ASPH: variants seen among roughly 807,000 people sequenced by gnomAD.
ASPH encodes aspartyl/asparaginyl beta-hydroxylase.
Under a neutral mutation model 118.4 loss-of-function variants are expected in ASPH, and 100 were observed. The observed-to-expected ratio is 0.84, with a 90% CI of 0.72 to 1.00. ASPH has a LOEUF of 1.00. Among genes scored for constraint, ASPH ranks in the 50% least tolerant of loss-of-function variants. The probability of loss-of-function intolerance (pLI) is 0.00; values close to 1 mark genes in which losing one functional copy is unlikely to be tolerated. For synonymous variants in ASPH, 315 were observed against 325.6 expected, an observed-to-expected ratio of 0.97 and a Z score of 0.35; for missense variants, 920 against 919.5, an observed-to-expected ratio of 1.00 and a Z score of -0.01.
intron 1 of ASPH, among the ~76,000 whole-genome samples, chr8:61,712,163 C>T: frequency 6.6e-6 from 1 of 152,188 alleles, no homozygotes; most frequent in Admixed American, 6.5e-5. Context: ...GAGCAGGAAA[C>T]TAAATGGGTC....
chr8:61,534,319 A>T (rs2129633817), intron 21 of ASPH, among the ~76,000 whole-genome samples: 1 of 152,286 alleles, frequency 6.6e-6, no homozygotes, highest in African/African-American at 2.4e-5. Context: ...CTCCTAGACT[A>T]GTCAAATCTT....
chr8:61,535,717 TA>T (rs1819223818), intron 21 of ASPH, among the ~76,000 whole-genome samples: 1 of 152,238 alleles, frequency 6.6e-6, no homozygotes, highest in African/African-American at 2.4e-5. Flanking sequence ...ATCTTATTTT[TA>T]AGAGATAAAA....
chr8:61,592,137 G>GTT (rs1745563406), intron 14 of ASPH, among the ~76,000 whole-genome samples: 1 of 152,116 alleles, frequency 6.6e-6, no homozygotes, highest in Admixed American at 6.6e-5. Flanking sequence ...TTGAGCCTTT[G>GTT]TTTTTTCATC....
chr8:61,672,472 T>C (rs1034416887), intron 3 of ASPH, among the ~76,000 whole-genome samples: 3 of 152,014 alleles, frequency 2.0e-5, no homozygotes, highest in African/African-American at 7.2e-5. Flanking sequence ...GTCATTTCTA[T>C]TGCAAAAAAT....
chr8:61,544,014 G>A (rs910228402), intron 21 of ASPH, among the ~76,000 whole-genome samples: 3 of 152,204 alleles, frequency 2.0e-5, no homozygotes, highest in African/African-American at 7.2e-5. Context: ...GGTAGAAAGA[G>A]AGAGGTTTAA....
At chr8:61,599,470 A>T (rs369619410) in intron 14 of ASPH, among the ~76,000 whole-genome samples, 2 of 136,926 alleles carry the variant, frequency 1.5e-5, no homozygotes, top group Non-Finnish European at 3.1e-5. Context: ...AAAGTATATT[A>T]AAAAAGTCAA....
chr8:61,535,429 G>A (rs1175254181), intron 21 of ASPH, among the ~76,000 whole-genome samples: 1 of 152,222 alleles, frequency 6.6e-6, no homozygotes, highest in Non-Finnish European at 1.5e-5. Flanking sequence ...GCAAGATTAG[G>A]TTAGTAACTG....
intron 21 of ASPH, among the ~76,000 whole-genome samples, chr8:61,540,987 C>T (rs559353673): frequency 5.9e-5 from 9 of 151,900 alleles, no homozygotes; most frequent in African/African-American, 2.2e-4. Context: ...AGGCCGGGCA[C>T]GGTGGCTCAC....
chr8:61,561,925 TCAAAAA>T (rs781659253), intron 18 of ASPH, among the ~76,000 whole-genome samples: 2 of 152,072 alleles, frequency 1.3e-5, no homozygotes, highest in Non-Finnish European at 2.9e-5. Flanking sequence ...AGACCACGTG[TCAAAAA>T]CAAAAACAAA....
intron 1 of ASPH, among the ~76,000 whole-genome samples, chr8:61,692,469 C>A (rs1354329437): frequency 6.6e-6 from 1 of 152,228 alleles, no homozygotes; most frequent in Non-Finnish European, 1.5e-5. Context: ...AACTCCAAGT[C>A]TAAGCAAAGA....
chr8:61,713,809 C>A (rs564073405), intron 1 of ASPH, among the ~76,000 whole-genome samples: 1 of 152,354 alleles, frequency 6.6e-6, no homozygotes, highest in East Asian at 1.9e-4. Context: ...CCCCCTGCCC[C>A]CCGGCGCCCC....
chr8:61,555,856 A>G, intron 19 of ASPH, 68 bp downstream of exon 19: 1 of 1,356,324 alleles, frequency 7.4e-7, no homozygotes, highest in East Asian at 2.4e-5. Flanking sequence ...TACAAGGAAT[A>G]AGCAAGTGTG....
chr8:61,643,809 C>A (rs1331646323), intron 8 of ASPH, 136 bp downstream of exon 8: 8 of 732,480 alleles, frequency 1.1e-5, no homozygotes, highest in Non-Finnish European at 1.9e-5. Flanking sequence ...CTATAAACAT[C>A]TGACCAATCA....
chr8:61,632,536 C>A, intron 13 of ASPH: 1 of 238,000 alleles, frequency 4.2e-6, no homozygotes, highest in East Asian at 1.3e-4. Context: ...TGCCCTTGCC[C>A]TGTCCAAGTA....
chr8:61,680,778 T>C (rs746948703), intron 3 of ASPH, 190 bp downstream of exon 3: 53 of 436,628 alleles, frequency 1.2e-4, no homozygotes, highest in Non-Finnish European at 1.7e-4. Context: ...TATTCATTGA[T>C]AAAAGTAAAT....
chr8:61,604,553 CATACT>C (rs1845024066), intron 14 of ASPH, among the ~76,000 whole-genome samples: 1 of 152,182 alleles, frequency 6.6e-6, no homozygotes, highest in Admixed American at 6.5e-5. Context: ...CACTACTGAG[CATACT>C]GTCACTTAGA....
chr8:61,685,297 A>G (rs1213826944), intron 1 of ASPH, among the ~76,000 whole-genome samples: 1 of 152,162 alleles, frequency 6.6e-6, no homozygotes, highest in Non-Finnish European at 1.5e-5. Context: ...ATCCCCAGAC[A>G]TTTCCACATG....
intron 1 of ASPH, among the ~76,000 whole-genome samples, chr8:61,698,418 A>T (rs1834442557): frequency 6.6e-6 from 1 of 152,228 alleles, no homozygotes. Flanking sequence ...ATAGGCAAGG[A>T]GGCAGCTTTA....
intron 14 of ASPH, among the ~76,000 whole-genome samples, chr8:61,617,199 G>A (rs963067955): frequency 2.0e-5 from 3 of 152,120 alleles, no homozygotes; most frequent in African/African-American, 4.8e-5. Context: ...AAGAGAGTGC[G>A]TGTATATGGG....
Sources: gnomAD v4.1 joint callset for allele counts (sites outside exome capture counted in the v4.1 genomes callset) on GRCh38, gnomAD v4.1.1 for gene constraint, MANE v1.5 for transcripts, NCBI Gene and HGNC (gene_info 2026-07-23, HGNC 2026-07-21) for gene names.